EYS: variants seen among roughly 807,000 people sequenced by gnomAD.
EYS encodes the protein protein eyes shut homolog.
Under a neutral mutation model 282.1 loss-of-function variants are expected in EYS, and 250 were observed. The ratio of observed to expected loss-of-function variants is 0.89; its 90% CI spans 0.80 to 0.98. EYS has a LOEUF of 0.98. EYS is among the 50% of genes least tolerant of loss of function. The pLI is 0.00. For missense variants in EYS, 4,016 were observed against 3,709.0 expected (o/e 1.08, Z -2.15); for synonymous variants, 1,355 against 1,282.9 (o/e 1.06, Z -1.20).
chr6:65,541,565 A>G (rs1768168259), intron 2 of EYS, among the ~76,000 whole-genome samples: 1 of 152,124 alleles, frequency 6.6e-6, no homozygotes. Context: ...CTTAATTGCT[A>G]ATTTAATTTG....
intron 12 of EYS, among the ~76,000 whole-genome samples, chr6:65,153,876 C>T (rs190819121): frequency 1.3e-5 from 2 of 151,766 alleles, no homozygotes; most frequent in Admixed American, 1.3e-4. Context: ...ACTATTATGG[C>T]CTTCTCTTCA....
At chr6:65,098,502 T>A (rs745892133) in intron 12 of EYS, among the ~76,000 whole-genome samples, 1 of 150,816 alleles carries the variant, frequency 6.6e-6, no homozygotes, top group Non-Finnish European at 1.5e-5. Context: ...AGTGCCAGAA[T>A]GTTTTCTGGT....
At chr6:64,982,695 G>T (rs925044630) in intron 14 of EYS, among the ~76,000 whole-genome samples, 1 of 151,000 alleles carries the variant, frequency 6.6e-6, no homozygotes, top group East Asian at 1.9e-4. Flanking sequence ...ACACTTAATT[G>T]TATTATAATT....
intron 15 of EYS, among the ~76,000 whole-genome samples, chr6:64,924,783 C>A (rs762625971): frequency 6.6e-6 from 1 of 152,162 alleles, no homozygotes. Context: ...CAGTTCCCAA[C>A]AAGTTCTTCA....
At chr6:64,802,027 T>TTTTG (rs1562199426) in intron 22 of EYS, among the ~76,000 whole-genome samples, 7 of 114,382 alleles carry the variant, frequency 6.1e-5, no homozygotes, top group African/African-American at 2.5e-4. Context: ...CTTTTTCTTT[T>TTTTG]TTTTTCTTTT....
intron 24 of EYS, among the ~76,000 whole-genome samples, chr6:64,600,243 A>G (rs964733428): frequency 2.2e-4 from 11 of 50,326 alleles, no homozygotes; most frequent in Middle Eastern, 7.0e-3. Flanking sequence ...TTTCAACTGT[A>G]TGTCCAATTC....
chr6:64,958,825 A>G (rs1370491474), intron 14 of EYS, among the ~76,000 whole-genome samples: 1 of 149,786 alleles, frequency 6.7e-6, no homozygotes, highest in East Asian at 2.0e-4. Context: ...TACATTTTAT[A>G]TTTCATAAAC....
chr6:64,281,370 A>T (rs773155495), intron 30 of EYS, among the ~76,000 whole-genome samples: 4 of 152,058 alleles, frequency 2.6e-5, no homozygotes, highest in Non-Finnish European at 2.9e-5. Flanking sequence ...CAAAATCAGC[A>T]CTCTCATATG....
chr6:64,500,202 G>A (rs1776994820), intron 26 of EYS, among the ~76,000 whole-genome samples: 1 of 151,852 alleles, frequency 6.6e-6, no homozygotes, highest in African/African-American at 2.4e-5. Context: ...AATCTTTTCA[G>A]GTATCTTTAT....
intron 12 of EYS, among the ~76,000 whole-genome samples, chr6:65,151,212 A>G (rs1764603790): frequency 6.6e-6 from 1 of 152,084 alleles, no homozygotes; most frequent in African/African-American, 2.4e-5. Context: ...ATTCTGAAAA[A>G]TGCTCCAAGC....
chr6:65,261,688 T>C (rs1767624382), intron 12 of EYS, among the ~76,000 whole-genome samples: 1 of 152,088 alleles, frequency 6.6e-6, no homozygotes. Flanking sequence ...TAAGTTTTCT[T>C]ATTCTAAATC....
chr6:63,943,586 C>A (rs1765304719), intron 35 of EYS, among the ~76,000 whole-genome samples: 1 of 152,222 alleles, frequency 6.6e-6, no homozygotes, highest in African/African-American at 2.4e-5. Context: ...AATTTAATTT[C>A]AAAGTTCAAA....
intron 19 of EYS, among the ~76,000 whole-genome samples, chr6:64,843,547 G>A (rs1765629519): frequency 6.6e-6 from 1 of 152,146 alleles, no homozygotes; most frequent in South Asian, 2.1e-4. Context: ...GCTGGATTTT[G>A]GACATGCATG....
rs897188278 is a variant in EYS at position 63,984,371 on chromosome 6, A to G, written c.7055+12T>C. The G allele has an allele frequency of 2.9e-5, 44 of 1,528,646 alleles. No homozygotes were observed. The highest frequency in any genetic ancestry group is 3.5e-5 in the Non-Finnish European group (39 of 1,126,700). The allele number at this position is 1,528,646 out of a possible 1,614,324, so 94.7% of individuals were successfully genotyped here. On this transcript the variant is annotated intron_variant, in intron 35 of 42. Coordinates refer to ENST00000503581, the MANE Select transcript of EYS (RefSeq NM_001142800.2). ...TGTAACGTAGGTTGGGAATCAGGAG[A>G]CTAATACTGACCTGATGCAGGTGCC...
intron 35 of EYS, among the ~76,000 whole-genome samples, chr6:63,977,843 G>T (rs1766913648): frequency 6.6e-6 from 1 of 151,966 alleles, no homozygotes; most frequent in Non-Finnish European, 1.5e-5. Flanking sequence ...CAAACCTGGA[G>T]AAACTAGAAA....
At chr6:63,979,836 A>G (rs1767007159) in intron 35 of EYS, among the ~76,000 whole-genome samples, 1 of 151,914 alleles carries the variant, frequency 6.6e-6, no homozygotes, top group East Asian at 1.9e-4. Flanking sequence ...GTACAGATTT[A>G]TAACAAAATG....
At chr6:64,797,365 G>A (rs758140168) in intron 22 of EYS, among the ~76,000 whole-genome samples, 4 of 151,968 alleles carry the variant, frequency 2.6e-5, no homozygotes, top group Non-Finnish European at 5.9e-5. Context: ...TGAGATTATT[G>A]TTAACAGACA....
intron 19 of EYS, among the ~76,000 whole-genome samples, chr6:64,846,285 C>A (rs1316216033): frequency 6.6e-6 from 1 of 152,060 alleles, no homozygotes; most frequent in Non-Finnish European, 1.5e-5. Context: ...GTGTGTTCTG[C>A]AGGGAGAATA....
chr6:65,184,041 C>T (rs2150235366), intron 12 of EYS, among the ~76,000 whole-genome samples: 1 of 152,032 alleles, frequency 6.6e-6, no homozygotes, highest in African/African-American at 2.4e-5. Context: ...TCTTTTGTTG[C>T]ACTGACTTGT....
Sources: gnomAD v4.1 joint callset for allele counts (sites outside exome capture counted in the v4.1 genomes callset) on GRCh38, gnomAD v4.1.1 for gene constraint, MANE v1.5 for transcripts, NCBI Gene and HGNC (gene_info 2026-07-23, HGNC 2026-07-21) for gene names.